Variants in C8orf89 observed in about 807,000 individuals in gnomAD.
The protein encoded by C8orf89 is chromosome 8 open reading frame 89.
A neutral mutation model predicts 15.8 loss-of-function variants in C8orf89; 14 were observed. The ratio of observed to expected loss-of-function variants is 0.89; its 90% CI spans 0.59 to 1.39. The LOEUF is 1.39. C8orf89 is among the 40% of genes most tolerant of loss of function. The pLI, the probability that C8orf89 is intolerant of heterozygous loss-of-function variation, is 0.00. For synonymous variants in C8orf89, 55 were observed against 62.2 expected (o/e 0.88, Z 0.54); for missense variants, 181 against 184.5 (o/e 0.98, Z 0.11).
chr8:73,257,207 C>T, intron 1 of C8orf89, 81 bp from the exon 2 acceptor site: 1 of 857,018 alleles, frequency 1.2e-6, no homozygotes, highest in Non-Finnish European at 1.7e-6. Flanking sequence ...TAATAAAATA[C>T]ACAAAATCAG....
intron 2 of C8orf89, among the ~76,000 whole-genome samples, chr8:73,251,940 G>A (rs553028868): frequency 6.6e-6 from 1 of 152,294 alleles, no homozygotes; most frequent in East Asian, 1.9e-4. Context: ...AGGGACACAA[G>A]TGTCTTGGTT....
At chr8:73,245,404 A>C (rs117392222) in intron 3 of C8orf89, among the ~76,000 whole-genome samples, 62 of 152,354 alleles carry the variant, frequency 4.1e-4, no homozygotes, top group Non-Finnish European at 8.5e-4. Context: ...TATACCCTAA[A>C]ATGTCTATGT....
At chr8:73,258,628 A>ATTT (rs10691611) in intron 1 of C8orf89, among the ~76,000 whole-genome samples, 16,963 of 137,212 alleles carry the variant, frequency 0.12, 1,110 homozygotes, top group East Asian at 0.19. Flanking sequence ...TTTGGTTAGA[A>ATTT]TTTTTTTTTT....
chr8:73,282,906 G>A, the C8orf89 span, among the ~76,000 whole-genome samples: 5 of 152,156 alleles, frequency 3.3e-5, no homozygotes, highest in African/African-American at 1.2e-4. Context: ...AATTCAAAGA[G>A]GACATGCTAG....
chr8:73,245,446 G>T (rs1029959566), intron 3 of C8orf89, among the ~76,000 whole-genome samples: 1 of 152,062 alleles, frequency 6.6e-6, no homozygotes, highest in African/African-American at 2.4e-5. Context: ...TAAAACATAG[G>T]TATTAGATAC....
chr8:73,275,350 T>C, the C8orf89 span, among the ~76,000 whole-genome samples: 486 of 150,806 alleles, frequency 3.2e-3, 3 homozygotes, highest in Middle Eastern at 0.01. Flanking sequence ...AACTCTCCTG[T>C]CTCAGCCTCC....
the C8orf89 span, among the ~76,000 whole-genome samples, chr8:73,264,553 C>T: frequency 2.0e-5 from 3 of 152,094 alleles, no homozygotes; most frequent in Admixed American, 6.6e-5. Context: ...TGCAGTGGCG[C>T]GATCTCGGCT....
chr8:73,256,868 A>AC (rs1813403246), intron 2 of C8orf89, 105 bp downstream of exon 2: 4 of 680,464 alleles, frequency 5.9e-6, no homozygotes, highest in Admixed American at 4.3e-5. Flanking sequence ...AAAAAAAAAA[A>AC]CAGGCAAAAA....
intron 2 of C8orf89, among the ~76,000 whole-genome samples, chr8:73,253,099 C>T (rs1022267846): frequency 4.6e-5 from 7 of 152,254 alleles, no homozygotes; most frequent in Admixed American, 1.3e-4. Context: ...GCCAAGATCG[C>T]GCCACTGCAC....
At chr8:73,274,167 T>C in the C8orf89 span, among the ~76,000 whole-genome samples, 1,045 of 152,238 alleles carry the variant, frequency 6.9e-3, 11 homozygotes, top group African/African-American at 0.024. Context: ...TCATCTTTTT[T>C]TTTTGAGATG....
chr8:73,246,707 T>C (rs918746041), intron 3 of C8orf89, among the ~76,000 whole-genome samples: 5 of 152,164 alleles, frequency 3.3e-5, no homozygotes, highest in African/African-American at 1.2e-4. Flanking sequence ...TTAACATTTA[T>C]ATTTTTATTT....
At chr8:73,243,152 G>T (rs1487109817) in intron 3 of C8orf89, among the ~76,000 whole-genome samples, 1 of 152,194 alleles carries the variant, frequency 6.6e-6, no homozygotes, top group African/African-American at 2.4e-5. Flanking sequence ...GTTACCAGAG[G>T]CTGGGAAGGA....
At chr8:73,266,627 G>A in the C8orf89 span, among the ~76,000 whole-genome samples, 1 of 152,052 alleles carries the variant, frequency 6.6e-6, no homozygotes, top group Non-Finnish European at 1.5e-5. Flanking sequence ...CAGTGTTGGA[G>A]AAAAACATAA....
chr8:73,244,726 T>C (rs1195700996), intron 3 of C8orf89, among the ~76,000 whole-genome samples: 1 of 152,180 alleles, frequency 6.6e-6, no homozygotes, highest in Non-Finnish European at 1.5e-5. Context: ...AGGACTTCTG[T>C]TCTTAGCAGT....
the C8orf89 span, chr8:73,277,846 C>G: frequency 1.4e-6 from 1 of 706,330 alleles, no homozygotes. Flanking sequence ...CCCATAGCTG[C>G]TTTGCTTTCA....
chr8:73,261,545 A>G (rs1333769841), upstream of C8orf89, among the ~76,000 whole-genome samples: 2 of 152,002 alleles, frequency 1.3e-5, no homozygotes, highest in African/African-American at 4.8e-5. Context: ...CCAAGAAGCT[A>G]CTCCTGAGGG....
chr8:73,263,972 G>A (rs1813575237), upstream of C8orf89, among the ~76,000 whole-genome samples: 1 of 151,994 alleles, frequency 6.6e-6, no homozygotes, highest in South Asian at 2.1e-4. Flanking sequence ...TCATATTTGT[G>A]TTTCTGTTTA....
At chr8:73,247,063 CA>C (rs1813143987) in intron 3 of C8orf89, among the ~76,000 whole-genome samples, 1 of 152,080 alleles carries the variant, frequency 6.6e-6, no homozygotes, top group South Asian at 2.1e-4. Context: ...ATTTTAAGTT[CA>C]GGGGTACATG....
At chr8:73,258,756 G>A (rs542922154) in intron 1 of C8orf89, among the ~76,000 whole-genome samples, 14 of 151,338 alleles carry the variant, frequency 9.3e-5, no homozygotes, top group Admixed American at 2.0e-4. Context: ...TCAGCCTCCT[G>A]AGTAGCCGGG....
Sources: allele counts gnomAD v4.1 joint callset (sites outside exome capture counted in the v4.1 genomes callset), GRCh38; gene constraint gnomAD v4.1.1; transcripts MANE v1.5; gene names NCBI Gene and HGNC (gene_info 2026-07-23, HGNC 2026-07-21).